Variants in FARS2 observed in about 807,000 individuals in gnomAD.
The protein encoded by FARS2 is phenylalanine--tRNA ligase, mitochondrial.
A neutral mutation model predicts 46.4 loss-of-function variants in FARS2; 40 were observed. The observed-to-expected ratio is 0.86, with a 90% CI of 0.67 to 1.12. The LOEUF (loss-of-function observed/expected upper bound fraction) is 1.12. FARS2 is among the 50% of genes most tolerant of loss of function. The pLI, the probability that FARS2 is intolerant of heterozygous loss-of-function variation, is 0.00. For missense variants in FARS2, 513 were observed against 567.9 expected, an observed-to-expected ratio of 0.90 and a Z score of 0.98; for synonymous variants, 234 against 214.9, an observed-to-expected ratio of 1.09 and a Z score of -0.78.
chr6:5,582,785 C>T (rs1253329852), intron 5 of FARS2, among the ~76,000 whole-genome samples: 2 of 152,160 alleles, frequency 1.3e-5, no homozygotes, highest in Non-Finnish European at 2.9e-5. Flanking sequence ...GCACTTTCAG[C>T]AAAATAGCTC....
chr6:5,704,787 G>T (rs1418526771), intron 6 of FARS2, among the ~76,000 whole-genome samples: 2 of 152,178 alleles, frequency 1.3e-5, no homozygotes, highest in Non-Finnish European at 2.9e-5. Context: ...ATATAATAAG[G>T]AACATCTGAA....
At chr6:5,427,962 G>A (rs148401137) in intron 3 of FARS2, among the ~76,000 whole-genome samples, 1 of 152,268 alleles carries the variant, frequency 6.6e-6, no homozygotes, top group African/African-American at 2.4e-5. Context: ...GTGAAGGAAG[G>A]TTCCTGGAGA....
At chr6:5,477,214 G>A (rs1006799865) in intron 4 of FARS2, among the ~76,000 whole-genome samples, 5 of 152,142 alleles carry the variant, frequency 3.3e-5, no homozygotes, top group African/African-American at 9.7e-5. Flanking sequence ...GACCTTGACT[G>A]TCCTTGGGTC....
chr6:5,304,089 A>G (rs535101431), intron 1 of FARS2, among the ~76,000 whole-genome samples: 41 of 152,326 alleles, frequency 2.7e-4, no homozygotes, highest in Admixed American at 9.2e-4. Context: ...TTTAAATAAA[A>G]GATTATCTTT....
At chr6:5,315,905 C>T (rs1432809955) in intron 1 of FARS2, among the ~76,000 whole-genome samples, 2 of 152,194 alleles carry the variant, frequency 1.3e-5, no homozygotes, top group Non-Finnish European at 2.9e-5. Flanking sequence ...TCATTTCCCT[C>T]CTGCTGCCTT....
intron 1 of FARS2, among the ~76,000 whole-genome samples, chr6:5,303,452 G>A (rs1768466593): frequency 6.6e-6 from 1 of 152,048 alleles, no homozygotes; most frequent in Non-Finnish European, 1.5e-5. Context: ...GCCATCTGCT[G>A]GTTGAGGCTT....
chr6:5,405,794 G>A (rs1401650255), intron 3 of FARS2, among the ~76,000 whole-genome samples: 2 of 152,146 alleles, frequency 1.3e-5, no homozygotes, highest in African/African-American at 2.4e-5. Flanking sequence ...GCCCGGCCCA[G>A]TGGAGCAAGG....
At chr6:5,362,842 A>AT (rs1040873724) in intron 1 of FARS2, among the ~76,000 whole-genome samples, 3 of 146,790 alleles carry the variant, frequency 2.0e-5, no homozygotes, top group Non-Finnish European at 4.5e-5. Context: ...GATTTTGAGG[A>AT]TTTTTTTTCA....
chr6:5,484,550 G>A (rs2150348940), intron 4 of FARS2, among the ~76,000 whole-genome samples: 1 of 152,346 alleles, frequency 6.6e-6, no homozygotes, highest in South Asian at 2.1e-4. Flanking sequence ...AACTGAAATA[G>A]CCACTGACTG....
intron 5 of FARS2, among the ~76,000 whole-genome samples, chr6:5,579,461 A>C (rs145684241): frequency 1.9e-3 from 290 of 152,130 alleles, no homozygotes; most frequent in Non-Finnish European, 3.0e-3. Flanking sequence ...TTTAGTAGAG[A>C]TGGGATTTCA....
At chr6:5,696,992 T>C (rs144785349) in intron 6 of FARS2, among the ~76,000 whole-genome samples, 19 of 152,216 alleles carry the variant, frequency 1.2e-4, no homozygotes, top group African/African-American at 4.6e-4. Context: ...TTTCTCTAGC[T>C]AGGTGAGTTC....
intron 4 of FARS2, among the ~76,000 whole-genome samples, chr6:5,487,591 C>T (rs448138): frequency 0.17 from 26,142 of 152,106 alleles, 2,430 homozygotes; most frequent in Non-Finnish European, 0.18. Flanking sequence ...TGAAGTCGCA[C>T]GTTTCAGTCA....
intron 1 of FARS2, among the ~76,000 whole-genome samples, chr6:5,351,708 C>T (rs797138): frequency 0.17 from 26,445 of 152,056 alleles, 3,819 homozygotes; most frequent in African/African-American, 0.4. Flanking sequence ...GACACACCTA[C>T]GTACATACAA....
chr6:5,733,458 C>T (rs1561828230), intron 6 of FARS2, among the ~76,000 whole-genome samples: 1 of 152,170 alleles, frequency 6.6e-6, no homozygotes, highest in Non-Finnish European at 1.5e-5. Flanking sequence ...GGAATTTTTG[C>T]TCTAAAAAGA....
chr6:5,640,417 GC>G (rs1554119772), intron 6 of FARS2, among the ~76,000 whole-genome samples: 1 of 152,140 alleles, frequency 6.6e-6, no homozygotes, highest in Non-Finnish European at 1.5e-5. Flanking sequence ...CTGCGAGTTG[GC>G]CACTCCCAGC....
At chr6:5,624,326 G>A (rs918985860) in intron 6 of FARS2, among the ~76,000 whole-genome samples, 1 of 152,104 alleles carries the variant, frequency 6.6e-6, no homozygotes, top group African/African-American at 2.4e-5. Flanking sequence ...ATCACAGTTT[G>A]TTCAGTCCCC....
At chr6:5,558,657 C>T (rs895177365) in intron 5 of FARS2, among the ~76,000 whole-genome samples, 4 of 152,182 alleles carry the variant, frequency 2.6e-5, no homozygotes, top group Admixed American at 2.6e-4. Context: ...CTGCCTCAGC[C>T]TCCTGAGTAG....
chr6:5,583,665 T>C (rs1773456688), intron 5 of FARS2, among the ~76,000 whole-genome samples: 1 of 152,228 alleles, frequency 6.6e-6, no homozygotes, highest in Non-Finnish European at 1.5e-5. Context: ...TACATAGATA[T>C]TGTTACTATT....
chr6:5,258,443 A>C (rs1468738653), upstream of FARS2, among the ~76,000 whole-genome samples: 1 of 152,232 alleles, frequency 6.6e-6, no homozygotes, highest in African/African-American at 2.4e-5. Flanking sequence ...GTCAAAACAA[A>C]TGTGTTAATA....
Sources: allele counts gnomAD v4.1 joint callset (sites outside exome capture counted in the v4.1 genomes callset), GRCh38; gene constraint gnomAD v4.1.1; transcripts MANE v1.5; gene names NCBI Gene and HGNC (gene_info 2026-07-23, HGNC 2026-07-21).